The following MAST3 variants were observed in gnomAD, a reference collection of about 807,000 sequenced individuals.
The protein encoded by MAST3 is microtubule associated serine/threonine kinase 3.
MAST3 carries 43 observed loss-of-function variants against 127.0 expected under a neutral mutation model. That is an observed-to-expected ratio of 0.34 (90% CI 0.27 to 0.44). MAST3 has a LOEUF of 0.44. MAST3 is among the 20% of genes least tolerant of loss of function. MAST3 has a pLI of 1.00. For missense variants in MAST3, 1,390 were observed against 1,919.1 expected (o/e 0.72, Z 5.15); for synonymous variants, 785 against 809.2 (o/e 0.97, Z 0.51).
At chr19:18,123,683 C>A in intron 8 of MAST3, 28 bp downstream of exon 8, 1 of 1,506,296 alleles carries the variant, frequency 6.6e-7, no homozygotes, top group South Asian at 1.3e-5. Context: ...GCTGGACCAG[C>A]CCCTGCACTT....
rs747590337 is a variant in MAST3, at chr19:18,123,232, C to T, written c.415C>T (p.Arg139Trp). The change falls in exon 7 of 28, where the codon CGG (arginine) becomes TGG (tryptophan). Residue 139 changes from arginine to tryptophan, a missense_variant. Coordinates refer to ENST00000687212, the MANE Select transcript of MAST3 (RefSeq NM_001393504.1). ...TCTCTACCAGTCAAGCTCATCCTCC[C>T]GGGAACGTCTCCACCAGCTTCCCTT... ...SSTLSSSSSSRERLHQLPFQP... is the reference protein window; with the variant it reads ...SSTLSSSSSSWERLHQLPFQP... The T allele has an allele frequency of 3.7e-6, 6 of 1,613,780 alleles. No homozygotes were observed. Among genetic ancestry groups the T allele is most frequent in the Admixed American group, 3.3e-5 (2 of 60,010 alleles).
At position 18,134,563 on chromosome 19, in the gene MAST3, C is replaced by T; in HGVS notation, c.1572-16C>T. The T allele has an allele frequency of 6.2e-7, 1 of 1,606,570 alleles. No individual in the cohort carries two copies. ...CCAGCCCCCCAGCTCTGAGCACACT[C>T]CTAACCTGCCCACAGTCTGCTCATC... On this transcript the variant is annotated splice_polypyrimidine_tract_variant and intron_variant, in intron 15 of 27. Coordinates refer to ENST00000687212, the MANE Select transcript of MAST3 (RefSeq NM_001393504.1).
Position 18,123,317 on chromosome 19 carries a change from T to C in MAST3, c.500T>C (p.Val167Ala). 1 of 1,613,760 alleles carries C rather than the reference T, an allele frequency of 6.2e-7. No homozygotes were observed. The highest frequency in any genetic ancestry group is 8.5e-7 in the Non-Finnish European group (1 of 1,179,870). The change falls in exon 7 of 28, where the codon GTG (valine) becomes GCG (alanine). Residue 167 changes from valine to alanine, a missense_variant. By Grantham distance (64) the Val-to-Ala change is moderately conservative. Transcript: ENST00000687212. Reference protein sequence around the residue: ...LSKHFRSSENVLDEEGGRSPR... With the variant: ...LSKHFRSSENALDEEGGRSPR... ...AAGCACTTCCGCAGCTCAGAGAATG[T>C]GCTTGATGAGGAAGGCGGCCGGTCA...
chr19:18,117,834 C>G (rs2039455620), intron 3 of MAST3, among the ~76,000 whole-genome samples: 1 of 151,414 alleles, frequency 6.6e-6, no homozygotes, highest in Non-Finnish European at 1.5e-5. Context: ...CCGGCCTCAG[C>G]CGCCCGCGGC....
chr19:18,116,982 AAGTGTCCTGTGGCCC>A (rs66550883), intron 3 of MAST3, among the ~76,000 whole-genome samples: 73,217 of 150,424 alleles, frequency 0.49, 18,295 homozygotes, highest in East Asian at 0.64. Context: ...CTGGGTCCCA[AAGTGTCCTGTGGCCC>A]AGGAAGGGGC....
intron 18 of MAST3, among the ~76,000 whole-genome samples, chr19:18,136,185 G>A (rs1223046799): frequency 2.6e-5 from 4 of 152,192 alleles, no homozygotes; most frequent in African/African-American, 9.6e-5. Context: ...GGGACCGTTT[G>A]AGACTCATGC....
chr19:18,105,232 T>C (rs1397252117), intron 1 of MAST3, among the ~76,000 whole-genome samples: 1 of 152,012 alleles, frequency 6.6e-6, no homozygotes, highest in African/African-American at 2.4e-5. Flanking sequence ...CCAGGCATGC[T>C]GGCACACACC....
chr19:18,138,728 A>C (rs1165198254), intron 19 of MAST3, among the ~76,000 whole-genome samples: 2 of 152,076 alleles, frequency 1.3e-5, no homozygotes, highest in Non-Finnish European at 2.9e-5. Flanking sequence ...CAAACTCCTG[A>C]CCTCAAGTGA....
intron 11 of MAST3, among the ~76,000 whole-genome samples, chr19:18,127,408 G>A (rs780382648): frequency 6.6e-6 from 1 of 152,078 alleles, no homozygotes; most frequent in Non-Finnish European, 1.5e-5. Context: ...ATTAGGCTGG[G>A]CGTAGTGGCT....
At position 18,146,941 on chromosome 19, in the gene MAST3, C is replaced by T; in HGVS notation, c.3223C>T (p.Pro1075Ser). 2 of 1,558,942 alleles carry T rather than the reference C, an allele frequency of 1.3e-6. No homozygotes were observed. The highest frequency in any genetic ancestry group is 1.7e-6 in the Non-Finnish European group (2 of 1,151,338). ...ALENTSIKVG[P>S]ARKNVAKGRM... ...GGAGAACACCTCCATCAAGGTGGGC[C>T]CCGCCCGGAAGAATGTGGCCAAGGG... Residue 1075 changes from proline to serine, a missense_variant, in exon 26 of 28, where the codon CCC becomes TCC. Pro to Ser is a moderately conservative substitution (Grantham distance 74). Around this residue, in one of 5 missense-constraint regions of MAST3, gnomAD observed 816 missense variants for 934.1 expected, o/e 0.87. Transcript: ENST00000687212.
At position 18,104,818 on chromosome 19, in the gene MAST3, T is replaced by C. The variant is rs560752567; in HGVS notation, c.40-2769T>C. 4.6e-5 allele frequency among the ~76,000 whole-genome samples: 7 copies of C among 152,150 alleles called. No individual in the cohort carries two copies. The South Asian group carries it at 6.2e-4, about 13-fold the overall frequency. On this transcript the variant is annotated intron_variant, in intron 1 of 27. Coordinates refer to ENST00000687212, the MANE Select transcript of MAST3 (RefSeq NM_001393504.1). ...AGTAAATGCAAGGACATTTACCAGG[T>C]ATTATGACAGCTTCCATGGTCCCTT...
At chr19:18,137,020 C>T (rs914787177) in intron 18 of MAST3, among the ~76,000 whole-genome samples, 1 of 152,134 alleles carries the variant, frequency 6.6e-6, no homozygotes, top group African/African-American at 2.4e-5. Context: ...TGGGGTTTTG[C>T]CATGCTGGCC....
At chr19:18,135,110 G>T (rs1166998049) in intron 17 of MAST3, 128 bp downstream of exon 17, 1 of 1,127,042 alleles carries the variant, frequency 8.9e-7, no homozygotes, top group East Asian at 2.5e-5. Flanking sequence ...GTGGGGAGGC[G>T]GTGGGGTGCT....
rs986914819 is a variant in MAST3 at position 18,117,953 on chromosome 19, A to G, written c.162-3732A>G. On this transcript the variant is annotated intron_variant, in intron 3 of 27. Coordinates refer to ENST00000687212, the MANE Select transcript of MAST3 (RefSeq NM_001393504.1). ...CGCGTCGCTCGCTCCGCCTCCCGAC[A>G]GGCCCCGCCCCCAACGGCCCCGCCC... 2.9e-4 allele frequency: 59 copies of G among 206,390 alleles called. No individual in the cohort carries two copies. In the South Asian group the frequency reaches 3.6e-3, roughly 12 times the overall value. The allele number at this position is 206,390 out of a possible 1,614,324, so 12.8% of individuals were successfully genotyped here. A position where few individuals can be genotyped will look rare whatever the true frequency, so the allele number is the denominator to read the frequency against.
At chr19:18,132,646 C>T (rs1487518477) in intron 15 of MAST3, among the ~76,000 whole-genome samples, 1 of 152,184 alleles carries the variant, frequency 6.6e-6, no homozygotes, top group Non-Finnish European at 1.5e-5. Flanking sequence ...GACACAGGGC[C>T]ACCTGCTTTG....
At chr19:18,111,987 C>G (rs1326778679) in intron 3 of MAST3, among the ~76,000 whole-genome samples, 1 of 152,226 alleles carries the variant, frequency 6.6e-6, no homozygotes, top group African/African-American at 2.4e-5. Flanking sequence ...TCAATGACTT[C>G]TCAGTCAGCT....
At chr19:18,138,958 G>A (rs989739904) in intron 19 of MAST3, 57 bp from the exon 20 acceptor site, 29 of 1,209,284 alleles carry the variant, frequency 2.4e-5, no homozygotes, top group Non-Finnish European at 3.1e-5. Context: ...TTGCCACACC[G>A]CCCTTGAGAT....
chr19:18,132,033 C>T lies in MAST3; in HGVS notation c.1557C>T (p.Asp519=), dbSNP rs769305524. The T allele has an allele frequency of 6.2e-7, 1 of 1,614,174 alleles. No homozygotes were observed. Among genetic ancestry groups the T allele is most frequent in the East Asian group, 2.2e-5 (1 of 44,880 alleles). The change falls in exon 15 of 28, where the codon GAC becomes GAT. Residue 519 remains aspartate, a synonymous_variant. Transcript: ENST00000687212. ...ATAACTATGGCATCGTGCACCGTGA[C>T]CTCAAACCAGACAAGTGAGCTGAGC... ...YLHNYGIVHR[D]LKPDNLLITS...
At position 18,132,066 on chromosome 19, in the gene MAST3, AGCGGGGCCTCGCGGAGG is replaced by A. The variant is rs1461394922; in HGVS notation, c.1571+28_1571+44del. The A allele has an allele frequency of 1.2e-6, 2 of 1,613,462 alleles. No homozygotes were observed. The highest frequency in any genetic ancestry group is 2.7e-5 in the African/African-American group (2 of 74,916). On this transcript the variant is annotated intron_variant, in intron 15 of 27. Transcript: ENST00000687212. ...CAGACAAGTGAGCTGAGCTAGCATG[AGCGGGGCCTCGCGGAGG>A]GCGGGGCCAGAGAGGATCAGGGGCG...
Sources: gnomAD v4.1 joint callset for allele counts (sites outside exome capture counted in the v4.1 genomes callset) on GRCh38, gnomAD v4.1.1 for gene constraint, gnomAD v4.1.1 regional missense constraint, MANE v1.5 for transcripts, NCBI Gene and HGNC (gene_info 2026-07-23, HGNC 2026-07-21) for gene names.